DOK6: variants seen among roughly 807,000 people sequenced by gnomAD.
DOK6 encodes downstream of tyrosine kinase 6.
In DOK6, 22 loss-of-function variants were observed where a neutral mutation model predicts 44.0. The observed-to-expected ratio is 0.50, with a 90% CI of 0.36 to 0.71. DOK6 has a LOEUF of 0.71. Ranked by LOEUF, DOK6 falls within the 30% of genes least tolerant of loss-of-function variation. The pLI is 0.00. For synonymous variants in DOK6, 166 were observed against 145.5 expected (o/e 1.14, Z -1.01); for missense variants, 340 against 416.4 (o/e 0.82, Z 1.60).
chr18:69,725,468 C>G (rs755786685), intron 5 of DOK6, among the ~76,000 whole-genome samples: 19 of 152,098 alleles, frequency 1.2e-4, no homozygotes, highest in Non-Finnish European at 2.5e-4. Flanking sequence ...AAAGTGTGTT[C>G]ATTTTTATTT....
At chr18:69,428,548 A>C (rs926049755) in intron 1 of DOK6, among the ~76,000 whole-genome samples, 1 of 152,110 alleles carries the variant, frequency 6.6e-6, no homozygotes, top group South Asian at 2.1e-4. Flanking sequence ...ATTAATTCTT[A>C]ATCCTTAAGA....
intron 1 of DOK6, among the ~76,000 whole-genome samples, chr18:69,507,016 T>A (rs764311601): frequency 2.6e-5 from 4 of 151,916 alleles, no homozygotes; most frequent in Non-Finnish European, 4.4e-5. Context: ...TAATTATAGG[T>A]TTTTGTGTTT....
intron 3 of DOK6, chr18:69,661,129 T>C (rs1985515279): frequency 6.6e-6 from 1 of 152,204 alleles, no homozygotes; most frequent in African/African-American, 2.4e-5. Context: ...CCTGGATGCT[T>C]ATAAACAACA....
chr18:69,778,455 T>C (rs191350185), intron 7 of DOK6, among the ~76,000 whole-genome samples: 1 of 152,230 alleles, frequency 6.6e-6, no homozygotes, highest in Admixed American at 6.5e-5. Flanking sequence ...AATAAAACCA[T>C]GCACACAAGC....
rs114987167 is a variant in DOK6, at chr18:69,512,268, G to A, written c.67-52219G>A. On this transcript the variant is annotated intron_variant, in intron 1 of 7. Transcript: ENST00000382713. ...CAATGCAATCGATGCTATCTTGAGC[G>A]TCATACTTTATTCAAATGTTGGCAT... Among the ~76,000 whole-genome samples the A allele has an allele frequency of 2.3e-3, 343 of 149,800 alleles. 2 individuals are homozygous for A. Among genetic ancestry groups the A allele is most frequent in the African/African-American group, 8.0e-3 (324 of 40,496 alleles).
At chr18:69,739,145 T>C (rs1257328173) in intron 6 of DOK6, 42 bp downstream of exon 6, 18 of 1,609,196 alleles carry the variant, frequency 1.1e-5, no homozygotes, top group Non-Finnish European at 1.5e-5. Context: ...TGGAAATGAA[T>C]GTCACTGGGA....
intron 3 of DOK6, among the ~76,000 whole-genome samples, chr18:69,655,570 T>A (rs917064354): frequency 6.9e-4 from 104 of 151,722 alleles, no homozygotes; most frequent in Non-Finnish European, 9.3e-4. Context: ...CTGGGCAACA[T>A]GGTGAAACCC....
At chr18:69,417,981 C>T (rs758385732) in intron 1 of DOK6, among the ~76,000 whole-genome samples, 3 of 152,096 alleles carry the variant, frequency 2.0e-5, no homozygotes, top group Non-Finnish European at 4.4e-5. Flanking sequence ...AACAGCTTCA[C>T]ATATAATTTT....
intron 3 of DOK6, among the ~76,000 whole-genome samples, chr18:69,648,595 A>G (rs1985143564): frequency 6.6e-6 from 1 of 152,232 alleles, no homozygotes. Flanking sequence ...GGACTAGGAA[A>G]TAGAGGACAT....
chr18:69,511,910 G>A (rs944701388), intron 1 of DOK6, among the ~76,000 whole-genome samples: 1 of 152,144 alleles, frequency 6.6e-6, no homozygotes, highest in African/African-American at 2.4e-5. Flanking sequence ...TGTTAGGTAA[G>A]CATGAGAAAT....
chr18:69,607,338 T>C (rs918682202), intron 3 of DOK6, among the ~76,000 whole-genome samples: 13 of 57,386 alleles, frequency 2.3e-4, no homozygotes, highest in African/African-American at 8.6e-4. Context: ...TCTGATATTA[T>C]TTTGTTTTAA....
At chr18:69,580,208 T>C (rs899505275) in intron 2 of DOK6, among the ~76,000 whole-genome samples, 1 of 152,162 alleles carries the variant, frequency 6.6e-6, no homozygotes, top group Admixed American at 6.5e-5. Flanking sequence ...TGGGTTTTCA[T>C]CTAGTGGCTG....
intron 6 of DOK6, among the ~76,000 whole-genome samples, chr18:69,753,908 C>A (rs1014678421): frequency 1.3e-5 from 2 of 151,942 alleles, no homozygotes; most frequent in Non-Finnish European, 2.9e-5. Context: ...ACACATGTAT[C>A]CATCTTGTTT....
At chr18:69,432,588 A>G (rs1043798379) in intron 1 of DOK6, among the ~76,000 whole-genome samples, 1 of 152,206 alleles carries the variant, frequency 6.6e-6, no homozygotes. Context: ...GGGAATGAAT[A>G]TGCATATTTC....
chr18:69,835,362 G>A (rs1042477110), intron 7 of DOK6, among the ~76,000 whole-genome samples: 1 of 152,112 alleles, frequency 6.6e-6, no homozygotes, highest in Non-Finnish European at 1.5e-5. Context: ...CTACTGGGGA[G>A]GCTGAGGCAG....
At chr18:69,614,542 CTT>C (rs1315232188) in intron 3 of DOK6, among the ~76,000 whole-genome samples, 16 of 75,450 alleles carry the variant, frequency 2.1e-4, no homozygotes, top group African/African-American at 5.1e-4. Flanking sequence ...TTTATTTTTT[CTT>C]TGTGTGTGTG....
intron 1 of DOK6, among the ~76,000 whole-genome samples, chr18:69,560,079 A>G (rs1029635268): frequency 2.6e-5 from 4 of 152,012 alleles, no homozygotes; most frequent in African/African-American, 9.7e-5. Flanking sequence ...TTCAGGTAAG[A>G]GTTTGTGGAT....
chr18:69,488,987 G>A (rs776533326), intron 1 of DOK6, among the ~76,000 whole-genome samples: 13 of 152,282 alleles, frequency 8.5e-5, no homozygotes, highest in Non-Finnish European at 1.9e-4. Context: ...TATTGATGGA[G>A]TCCATAGGGT....
chr18:69,406,373 A>C (rs184702340), intron 1 of DOK6, among the ~76,000 whole-genome samples: 1 of 152,360 alleles, frequency 6.6e-6, no homozygotes, highest in African/African-American at 2.4e-5. Flanking sequence ...TGAATTTCAA[A>C]AATTAAGCCA....
Sources: allele counts gnomAD v4.1 joint callset (sites outside exome capture counted in the v4.1 genomes callset), GRCh38; gene constraint gnomAD v4.1.1; transcripts MANE v1.5; gene names NCBI Gene and HGNC (gene_info 2026-07-23, HGNC 2026-07-21).